Variants in OCIAD1 observed in about 807,000 individuals in gnomAD.
OCIAD1 encodes OCIA domain containing 1, also known as OCIA domain-containing protein 1.
Under a neutral mutation model 38.9 loss-of-function variants are expected in OCIAD1, and 29 were observed. That is an observed-to-expected ratio of 0.74 (90% CI 0.55 to 1.02). The LOEUF (loss-of-function observed/expected upper bound fraction) is 1.02, where lower values mean the gene tolerates loss of function less well. Ranked by LOEUF, OCIAD1 falls within the 50% of genes least tolerant of loss-of-function variation. The pLI, the probability that OCIAD1 is intolerant of heterozygous loss-of-function variation, is 0.00. For synonymous variants in OCIAD1, 110 were observed against 92.0 expected (o/e 1.20, Z -1.12); for missense variants, 288 against 289.6 (o/e 0.99, Z 0.04).
chr4:48,807,258 T>C (rs1295170742), intron 1 of OCIAD1, among the ~76,000 whole-genome samples: 2 of 151,790 alleles, frequency 1.3e-5, no homozygotes, highest in Admixed American at 1.3e-4. Context: ...AGTTCAGGTT[T>C]ATAGTGAGCT....
intron 1 of OCIAD1, among the ~76,000 whole-genome samples, chr4:48,809,702 C>G (rs534366929): frequency 2.0e-5 from 3 of 152,102 alleles, no homozygotes; most frequent in African/African-American, 7.2e-5. Flanking sequence ...CCAAGCACCC[C>G]ACTCTTTCAC....
chr4:48,810,781 G>A (rs972404698), intron 1 of OCIAD1, among the ~76,000 whole-genome samples: 11 of 151,722 alleles, frequency 7.3e-5, no homozygotes, highest in Non-Finnish European at 1.6e-4. Context: ...CCGAAGTGGA[G>A]GAAAAAAAGG....
chr4:48,839,751 G>A (rs1224047433), intron 3 of OCIAD1, among the ~76,000 whole-genome samples: 1 of 151,926 alleles, frequency 6.6e-6, no homozygotes, highest in Non-Finnish European at 1.5e-5. Flanking sequence ...TCAAATAATT[G>A]TAGGGATTCT....
chr4:48,828,817 G>C (rs1777279347), upstream of OCIAD1, among the ~76,000 whole-genome samples: 1 of 152,226 alleles, frequency 6.6e-6, no homozygotes, highest in Non-Finnish European at 1.5e-5. Context: ...CGCTCACCGT[G>C]AGGGTCCGCA....
intron 1 of OCIAD1, among the ~76,000 whole-genome samples, chr4:48,816,667 T>C (rs1777146752): frequency 6.6e-6 from 1 of 152,162 alleles, no homozygotes; most frequent in Non-Finnish European, 1.5e-5. Context: ...CTGTTTATTA[T>C]TAGGCTTAAA....
At chr4:48,826,850 C>T (rs1458410567), upstream of OCIAD1, among the ~76,000 whole-genome samples, 1 of 152,168 alleles carries the variant, frequency 6.6e-6, no homozygotes, top group African/African-American at 2.4e-5. Flanking sequence ...ACATTATCTC[C>T]AATCACTCTT....
chr4:48,857,808 C>G (rs116736272), intron 8 of OCIAD1, among the ~76,000 whole-genome samples: 1 of 152,112 alleles, frequency 6.6e-6, no homozygotes, highest in South Asian at 2.1e-4. Context: ...CCACCGTGTC[C>G]GGCCAGTTTT....
chr4:48,829,101 A>C (rs898752539), upstream of OCIAD1, among the ~76,000 whole-genome samples: 1 of 152,144 alleles, frequency 6.6e-6, no homozygotes, highest in African/African-American at 2.4e-5. Context: ...CTCTTCTACA[A>C]ATAAAAAAAT....
chr4:48,824,742 AC>A (rs561188117), intron 1 of OCIAD1, among the ~76,000 whole-genome samples: 76 of 151,874 alleles, frequency 5.0e-4, no homozygotes, highest in African/African-American at 1.7e-3. Context: ...ATTCAAATGA[AC>A]TTTTTTGTTT....
chr4:48,810,513 G>T (rs931066794), intron 1 of OCIAD1, among the ~76,000 whole-genome samples: 2 of 147,272 alleles, frequency 1.4e-5, no homozygotes, highest in Non-Finnish European at 3.0e-5. Flanking sequence ...TTGCTGCATT[G>T]TCCAGGCAGA....
chr4:48,820,846 C>T (rs538157871), intron 1 of OCIAD1, among the ~76,000 whole-genome samples: 2 of 152,144 alleles, frequency 1.3e-5, no homozygotes, highest in African/African-American at 4.8e-5. Context: ...CAAGACTAAC[C>T]CAGGAAGAAG....
chr4:48,807,967 C>T (rs774010919), intron 1 of OCIAD1, among the ~76,000 whole-genome samples: 2 of 152,116 alleles, frequency 1.3e-5, no homozygotes, highest in Non-Finnish European at 2.9e-5. Flanking sequence ...TTACATGTAT[C>T]ATTTTATTTA....
chr4:48,839,205 G>A (rs1778296691), intron 3 of OCIAD1, among the ~76,000 whole-genome samples: 1 of 152,164 alleles, frequency 6.6e-6, no homozygotes, highest in Non-Finnish European at 1.5e-5. Flanking sequence ...AGAGGCCGAG[G>A]TGGGTGGATC....
intron 1 of OCIAD1, among the ~76,000 whole-genome samples, chr4:48,819,727 AAAAAAAAAAAAAAAAAAG>A (rs1166190530): frequency 2.8e-5 from 4 of 142,324 alleles, no homozygotes; most frequent in East Asian, 4.0e-4. Context: ...AAAAAAAAAA[AAAAAAAAAAAAAAAAAAG>A]GAGGGGTTGC....
At chr4:48,836,255 G>A (rs1579058408) in intron 3 of OCIAD1, among the ~76,000 whole-genome samples, 1 of 152,144 alleles carries the variant, frequency 6.6e-6, no homozygotes, top group Non-Finnish European at 1.5e-5. Flanking sequence ...AGCTGGCAAC[G>A]AAAGACTTTT....
At chr4:48,825,255 C>T (rs539968108) in intron 1 of OCIAD1, among the ~76,000 whole-genome samples, 1 of 152,170 alleles carries the variant, frequency 6.6e-6, no homozygotes, top group African/African-American at 2.4e-5. Context: ...ACTCCTTGTG[C>T]CCCCACTCTA....
At chr4:48,848,371 C>T (rs1221304849) in intron 4 of OCIAD1, 28 bp from the exon 5 acceptor site, 7 of 1,204,850 alleles carry the variant, frequency 5.8e-6, no homozygotes, top group Non-Finnish European at 7.3e-6. Flanking sequence ...AACAGTGTTA[C>T]TCAGAAATAC....
rs1553901200 is a variant in OCIAD1 at position 48,852,882 on chromosome 4, G to GTTTTTTGTTTTTGTTTTT, written c.547+913_547+914insGTTTTTGTTTTTTTTTTT. ...TAAGCCAAGTTTTTTTTTGTTTTTT[G>GTTTTTTGTTTTTGTTTTT]TTTTTTTTTTTTTTTTTGAGATGGA... On this transcript the variant is annotated intron_variant, in intron 7 of 8. Coordinates refer to ENST00000264312, the MANE Select transcript of OCIAD1 (RefSeq NM_017830.4). Among the ~76,000 whole-genome samples the GTTTTTTGTTTTTGTTTTT allele has an allele frequency of 7.1e-5, 9 of 126,306 alleles. No homozygotes were observed. The East Asian group carries it at 1.5e-3, about 22-fold the overall frequency. 82.9% of individuals were successfully genotyped at this position (126,306 alleles called of 152,430 possible). A position where few individuals can be genotyped will look rare whatever the true frequency, so the allele number is the denominator to read the frequency against.
At chr4:48,817,271 G>T (rs1205562435) in intron 1 of OCIAD1, among the ~76,000 whole-genome samples, 1 of 152,184 alleles carries the variant, frequency 6.6e-6, no homozygotes, top group Non-Finnish European at 1.5e-5. Context: ...CACGGTTTTT[G>T]CAATCTGCAG....
Sources: gnomAD v4.1 joint callset for allele counts (sites outside exome capture counted in the v4.1 genomes callset) on GRCh38, gnomAD v4.1.1 for gene constraint, MANE v1.5 for transcripts, NCBI Gene and HGNC (gene_info 2026-07-23, HGNC 2026-07-21) for gene names.